The following KCNH8 variants were observed in gnomAD, a reference collection of about 807,000 sequenced individuals.
KCNH8 encodes potassium voltage-gated channel subfamily H member 8, also known as voltage-gated delayed rectifier potassium channel KCNH8.
Under a neutral mutation model 103.6 loss-of-function variants are expected in KCNH8, and 70 were observed. That is an observed-to-expected ratio of 0.68 (90% confidence interval 0.56 to 0.82). KCNH8 has a LOEUF of 0.82. KCNH8 is among the 40% of genes least tolerant of loss of function. The pLI is 0.00. For missense variants in KCNH8, 1,217 were observed against 1,329.9 expected (o/e 0.92, Z 1.32); for synonymous variants, 498 against 489.4 (o/e 1.02, Z -0.23).
At chr3:19,429,024 T>C (rs1370705117) in intron 7 of KCNH8, among the ~76,000 whole-genome samples, 1 of 152,134 alleles carries the variant, frequency 6.6e-6, no homozygotes, top group East Asian at 1.9e-4. Context: ...TCAAGGCCAA[T>C]CGCTTCACCA....
At chr3:19,510,763 C>A (rs1322935442) in intron 12 of KCNH8, among the ~76,000 whole-genome samples, 1 of 152,066 alleles carries the variant, frequency 6.6e-6, no homozygotes, top group Non-Finnish European at 1.5e-5. Context: ...TATTCTGGAA[C>A]CATGTTTTAT....
intron 7 of KCNH8, 34 bp from the exon 8 acceptor site, chr3:19,438,130 T>C (rs2067228100): frequency 6.4e-7 from 1 of 1,558,234 alleles, no homozygotes; most frequent in African/African-American, 1.4e-5. Flanking sequence ...CTTTACTTTT[T>C]CTTCTCTCAT....
chr3:19,331,616 A>G (rs13081910), intron 3 of KCNH8, among the ~76,000 whole-genome samples: 25,495 of 152,116 alleles, frequency 0.17, 2,858 homozygotes, highest in Middle Eastern at 0.32. Flanking sequence ...TTATGGGTAC[A>G]TCATAGATGT....
intron 7 of KCNH8, among the ~76,000 whole-genome samples, chr3:19,418,545 C>A (rs1026504306): frequency 6.6e-6 from 1 of 152,020 alleles, no homozygotes; most frequent in African/African-American, 2.4e-5. Context: ...GTATAAAGCC[C>A]AAACAAAATA....
chr3:19,444,090 C>G (rs1323069586), intron 8 of KCNH8, among the ~76,000 whole-genome samples: 3 of 151,936 alleles, frequency 2.0e-5, no homozygotes, highest in Non-Finnish European at 4.4e-5. Context: ...TCAAAGCTAT[C>G]ATGAAAAAGA....
At chr3:19,493,588 T>A (rs1349031893) in intron 11 of KCNH8, among the ~76,000 whole-genome samples, 2 of 152,164 alleles carry the variant, frequency 1.3e-5, no homozygotes, top group Non-Finnish European at 2.9e-5. Context: ...TTATACCCCT[T>A]TTCTTTATAA....
intron 1 of KCNH8, among the ~76,000 whole-genome samples, chr3:19,182,216 A>G (rs897856094): frequency 2.0e-5 from 3 of 152,162 alleles, no homozygotes; most frequent in African/African-American, 7.2e-5. Context: ...GGCCAATGGA[A>G]CATTAGCAAA....
At chr3:19,464,349 G>A (rs954164112) in intron 11 of KCNH8, among the ~76,000 whole-genome samples, 4 of 152,044 alleles carry the variant, frequency 2.6e-5, no homozygotes, top group Non-Finnish European at 4.4e-5. Context: ...AAAATAAACC[G>A]TGGCCTAAAA....
chr3:19,354,459 C>G (rs1355970448), intron 5 of KCNH8, among the ~76,000 whole-genome samples: 1 of 152,140 alleles, frequency 6.6e-6, no homozygotes, highest in Non-Finnish European at 1.5e-5. Context: ...CTGGAGGTAT[C>G]ACGCTACCTG....
intron 11 of KCNH8, among the ~76,000 whole-genome samples, chr3:19,483,327 C>T (rs1224216434): frequency 6.6e-6 from 1 of 152,116 alleles, no homozygotes; most frequent in Non-Finnish European, 1.5e-5. Flanking sequence ...TTGAACTCCA[C>T]CCAGTGACTG....
chr3:19,465,690 C>A (rs1030597753), intron 11 of KCNH8, among the ~76,000 whole-genome samples: 1 of 150,958 alleles, frequency 6.6e-6, no homozygotes, highest in African/African-American at 2.4e-5. Flanking sequence ...ATTCTAGATG[C>A]CATTAAGAAT....
chr3:19,275,676 T>C (rs532255933), intron 2 of KCNH8, among the ~76,000 whole-genome samples: 131 of 152,288 alleles, frequency 8.6e-4, no homozygotes, highest in Admixed American at 2.0e-3. Context: ...CTGGTGACGA[T>C]GCTGTAGAGA....
At chr3:19,504,645 T>C (rs1014574590) in intron 11 of KCNH8, among the ~76,000 whole-genome samples, 8 of 152,046 alleles carry the variant, frequency 5.3e-5, no homozygotes, top group African/African-American at 1.9e-4. Context: ...CTCACACCAG[T>C]TAGAATGTCT....
At chr3:19,232,282 T>A (rs1277005699) in intron 1 of KCNH8, among the ~76,000 whole-genome samples, 1 of 152,210 alleles carries the variant, frequency 6.6e-6, no homozygotes, top group African/African-American at 2.4e-5. Context: ...GAAGATAATC[T>A]GACTCTTGGT....
In KCNH8 at chr3:19,507,846, C is replaced by T. The variant is rs558145580; in HGVS notation, c.2041-2517C>T. Among the ~76,000 whole-genome samples, 5 of 152,240 alleles carry T rather than the reference C, an allele frequency of 3.3e-5. No homozygotes were observed. The East Asian group carries it at 7.7e-4, about 24-fold the overall frequency. On this transcript the variant is annotated intron_variant, in intron 11 of 15. Coordinates refer to ENST00000328405, the MANE Select transcript of KCNH8 (RefSeq NM_144633.3). ...AAGGGCTGCAAGACAGCAAAAATGG[C>T]GGCTTGCCTCTGTGGGAGCACTGTC...
intron 10 of KCNH8, among the ~76,000 whole-genome samples, chr3:19,453,645 G>A (rs747580109): frequency 6.6e-6 from 1 of 152,128 alleles, no homozygotes; most frequent in African/African-American, 2.4e-5. Context: ...TAGGTGATGA[G>A]GGCACAGCCC....
At chr3:19,271,973 C>A (rs1165742385) in intron 2 of KCNH8, among the ~76,000 whole-genome samples, 1 of 151,968 alleles carries the variant, frequency 6.6e-6, no homozygotes, top group African/African-American at 2.4e-5. Context: ...TATGGCATAA[C>A]TTATCAAATC....
chr3:19,327,266 T>A (rs768261327), intron 3 of KCNH8, among the ~76,000 whole-genome samples: 8 of 152,164 alleles, frequency 5.3e-5, no homozygotes, highest in Non-Finnish European at 7.3e-5. Flanking sequence ...AAGAATGTGA[T>A]GGCTAATTGC....
intron 7 of KCNH8, among the ~76,000 whole-genome samples, chr3:19,420,806 G>A (rs1686741330): frequency 6.6e-6 from 1 of 152,160 alleles, no homozygotes; most frequent in Admixed American, 6.5e-5. Flanking sequence ...AGGATTCAGA[G>A]AGTTAGAGAT....
Sources: gnomAD v4.1 joint callset for allele counts (sites outside exome capture counted in the v4.1 genomes callset) on GRCh38, gnomAD v4.1.1 for gene constraint, MANE v1.5 for transcripts, NCBI Gene and HGNC (gene_info 2026-07-23, HGNC 2026-07-21) for gene names.